DPH6: variants seen among roughly 807,000 people sequenced by gnomAD.
DPH6 encodes the protein diphthamine biosynthesis 6, also known as diphthine--ammonia ligase.
Under a neutral mutation model 38.2 loss-of-function variants are expected in DPH6, and 33 were observed. That is an observed-to-expected ratio of 0.86 (90% CI 0.65 to 1.15). The LOEUF (loss-of-function observed/expected upper bound fraction) is 1.15, where lower values mean the gene tolerates loss of function less well. DPH6 is among the 50% of genes most tolerant of loss of function. The pLI is 0.00. For synonymous variants in DPH6, 108 were observed against 103.0 expected (o/e 1.05, Z -0.30); for missense variants, 325 against 320.0 (o/e 1.02, Z -0.12).
intron 5 of DPH6, 98 bp downstream of exon 5, chr15:35,450,587 T>C: frequency 1.0e-6 from 1 of 990,610 alleles, no homozygotes; most frequent in Non-Finnish European, 1.5e-6. Context: ...CATTTTTATA[T>C]TCTAAATCAG....
chr15:35,508,069 G>C (rs1443888966), intron 3 of DPH6, among the ~76,000 whole-genome samples: 1 of 146,678 alleles, frequency 6.8e-6, no homozygotes, highest in Non-Finnish European at 1.5e-5. Flanking sequence ...GAAAGTAAGA[G>C]GCTCGGCAGG....
the DPH6 span, among the ~76,000 whole-genome samples, chr15:35,158,504 TTAA>T: frequency 6.6e-6 from 1 of 152,080 alleles, no homozygotes; most frequent in South Asian, 2.1e-4. Context: ...AGTGCCAATG[TTAA>T]TAACATCCAT....
chr15:35,321,102 A>C (rs1486217995), intron 3 of DPH6, among the ~76,000 whole-genome samples: 2 of 152,256 alleles, frequency 1.3e-5, no homozygotes, highest in Non-Finnish European at 2.9e-5. Context: ...AAGGGATTAT[A>C]GAAACTATGC....
chr15:35,257,793 T>TGTGTGTGTGTGC (rs1487123297), intron 3 of DPH6, among the ~76,000 whole-genome samples: 1 of 152,026 alleles, frequency 6.6e-6, no homozygotes, highest in Non-Finnish European at 1.5e-5. Context: ...TGTGTGTGTG[T>TGTGTGTGTGTGC]GTGCATTTTC....
At chr15:35,510,457 G>T (rs1477060796) in intron 3 of DPH6, among the ~76,000 whole-genome samples, 2 of 152,054 alleles carry the variant, frequency 1.3e-5, no homozygotes, top group Non-Finnish European at 2.9e-5. Context: ...AAGCATAACT[G>T]GAACAACTCC....
At chr15:35,451,315 AT>A in intron 4 of DPH6, among the ~76,000 whole-genome samples, 1 of 152,268 alleles carries the variant, frequency 6.6e-6, no homozygotes, top group South Asian at 2.1e-4. Context: ...TGTACTAGAT[AT>A]TTTCCATTAT....
chr15:35,374,727 T>C (rs540092093), intron 7 of DPH6, among the ~76,000 whole-genome samples: 3 of 152,110 alleles, frequency 2.0e-5, no homozygotes, highest in Non-Finnish European at 4.4e-5. Context: ...CATAGAATCA[T>C]TCAAGATTCA....
chr15:35,363,785 T>C (rs1001250766), intron 3 of DPH6, among the ~76,000 whole-genome samples: 2 of 152,000 alleles, frequency 1.3e-5, no homozygotes, highest in Non-Finnish European at 2.9e-5. Flanking sequence ...GATTATATTA[T>C]ACTCATTTAT....
the DPH6 span, chr15:35,181,959 T>C: frequency 6.6e-6 from 1 of 151,906 alleles, no homozygotes; most frequent in African/African-American, 2.4e-5. Flanking sequence ...TAAAGAAGAT[T>C]AGTAAAATGA....
chr15:35,155,389 A>G, the DPH6 span, among the ~76,000 whole-genome samples: 19 of 152,238 alleles, frequency 1.2e-4, no homozygotes, highest in African/African-American at 4.6e-4. Context: ...AGGCTGGCAT[A>G]ATTGTTCTCC....
chr15:35,517,940 T>C lies in DPH6; in HGVS notation c.312+20334A>G, dbSNP rs1473229376. Among the ~76,000 whole-genome samples, 3 of 152,114 alleles carry C rather than the reference T, an allele frequency of 2.0e-5. No individual in the cohort carries two copies. The East Asian group carries it at 5.8e-4, about 29-fold the overall frequency. ...ATTTGTAATTAAAACAATGTTTTAC[T>C]TTAAAAAAATTAAATTGATGAATTA... On this transcript the variant is annotated intron_variant, in intron 3 of 8. Transcript: ENST00000256538.
In DPH6 at chr15:35,390,030, A is replaced by G. The variant is rs1022905376; in HGVS notation, c.568-8114T>C. ...CTTCCTTCAGGAGCTCTTTTAGGGC[A>G]GGCCTGGTGGTGACAAAAATCTCTC... On this transcript the variant is annotated intron_variant, in intron 6 of 8. Transcript: ENST00000256538. Among the ~76,000 whole-genome samples the G allele has an allele frequency of 4.6e-5, 7 of 152,154 alleles. No homozygotes were observed. The East Asian group carries it at 1.2e-3, about 25-fold the overall frequency.
Position 35,497,632 on chromosome 15 carries a change from G to A in DPH6, c.312+40642C>T, listed in dbSNP as rs544174418. ...TCTCTGTATTATTGGGGAAGAAAAG[G>A]AAAAGAAAAAGACCACTTACTCTGT... On this transcript the variant is annotated intron_variant, in intron 3 of 8. Transcript: ENST00000256538. Among the ~76,000 whole-genome samples, 31 of 152,018 alleles carry A rather than the reference G, an allele frequency of 2.0e-4. 1 individual carries two copies. In the South Asian group the frequency reaches 6.2e-3, roughly 31 times the overall value.
intron 3 of DPH6, among the ~76,000 whole-genome samples, chr15:35,491,495 C>T (rs900745721): frequency 6.7e-6 from 1 of 150,182 alleles, no homozygotes; most frequent in Non-Finnish European, 1.5e-5. Flanking sequence ...ATGGTTAACA[C>T]AAATATAAGG....
At chr15:35,275,592 C>T (rs748932704) in intron 3 of DPH6, among the ~76,000 whole-genome samples, 15 of 151,870 alleles carry the variant, frequency 9.9e-5, no homozygotes, top group African/African-American at 3.6e-4. Flanking sequence ...AGGACAAATA[C>T]CTAATGCATG....
chr15:35,401,121 C>A, intron 6 of DPH6: 1 of 932,746 alleles, frequency 1.1e-6, no homozygotes, highest in Non-Finnish European at 1.7e-6. Context: ...ATGACCATGA[C>A]TTTGTGGATA....
intron 3 of DPH6, among the ~76,000 whole-genome samples, chr15:35,354,908 G>T (rs1472823281): frequency 1.3e-5 from 2 of 152,090 alleles, no homozygotes; most frequent in African/African-American, 2.4e-5. Context: ...CATTATTATT[G>T]TGTGGGAATC....
At chr15:35,275,881 C>T (rs1401460957) in intron 3 of DPH6, among the ~76,000 whole-genome samples, 1 of 152,124 alleles carries the variant, frequency 6.6e-6, no homozygotes, top group African/African-American at 2.4e-5. Context: ...CACATTTTTG[C>T]AATTGTGAAT....
At chr15:35,454,634 G>A (rs1301399339) in intron 4 of DPH6, 113 bp downstream of exon 4, 6 of 830,178 alleles carry the variant, frequency 7.2e-6, no homozygotes, top group Non-Finnish European at 1.1e-5. Context: ...TAGTTCCATG[G>A]AGCACGTAGA....
Sources: allele counts gnomAD v4.1 joint callset (sites outside exome capture counted in the v4.1 genomes callset), GRCh38; gene constraint gnomAD v4.1.1; transcripts MANE v1.5; gene names NCBI Gene and HGNC (gene_info 2026-07-23, HGNC 2026-07-21).